Variants in SETMAR observed in about 807,000 individuals in gnomAD.
SETMAR encodes histone-lysine N-methyltransferase SETMAR.
Under a neutral mutation model 58.4 loss-of-function variants are expected in SETMAR, and 44 were observed. That is an observed-to-expected ratio of 0.75 (90% CI 0.59 to 0.97). SETMAR has a LOEUF of 0.97. Ranked by LOEUF, SETMAR falls within the 50% of genes least tolerant of loss-of-function variation. The pLI is 0.00. For missense variants in SETMAR, 903 were observed against 840.2 expected (o/e 1.07, Z -0.92); for synonymous variants, 332 against 307.4 (o/e 1.08, Z -0.84).
intron 1 of SETMAR, among the ~76,000 whole-genome samples, chr3:4,304,438 G>C (rs1049078696): frequency 6.6e-6 from 1 of 152,218 alleles, no homozygotes; most frequent in African/African-American, 2.4e-5. Context: ...CACGCTCCCA[G>C]CCTCTACTGA....
chr3:4,303,887 C>A (rs1312220266), intron 1 of SETMAR: 2 of 1,261,426 alleles, frequency 1.6e-6, no homozygotes, highest in Admixed American at 5.7e-5. Context: ...AGCCGTGGGG[C>A]CTATTAATGG....
Position 4,313,262 on chromosome 3 carries a change from G to A in SETMAR, c.521G>A (p.Gly174Glu), listed in dbSNP as rs1445039809. 6 of 1,613,878 alleles carry A rather than the reference G, an allele frequency of 3.7e-6. No homozygotes were observed. Among genetic ancestry groups the A allele is most frequent in the Non-Finnish European group, 5.1e-6 (6 of 1,179,914 alleles). Residue 174 changes from glycine to glutamate, a missense_variant, in exon 2 of 3, where the codon GGA (glycine) becomes GAA (glutamate). Coordinates refer to ENST00000358065, the MANE Select transcript of SETMAR (RefSeq NM_006515.4). ...FVCEYAGEVLGFSEVQRRIHL... is the reference protein window; with the variant it reads ...FVCEYAGEVLEFSEVQRRIHL... ...TGTGAATATGCTGGTGAGGTTTTAGGATTCTCTGAAGTTCAGAGAAGAATT... is the reference window on the plus strand; with the variant it reads ...TGTGAATATGCTGGTGAGGTTTTAGAATTCTCTGAAGTTCAGAGAAGAATT...
chr3:4,304,397 C>G (rs2125071196), intron 1 of SETMAR, among the ~76,000 whole-genome samples: 1 of 152,364 alleles, frequency 6.6e-6, no homozygotes, highest in South Asian at 2.1e-4. Context: ...CCGCCTCGGC[C>G]TCCCAAAATG....
chr3:4,303,465 G>A lies in SETMAR; in HGVS notation c.95G>A (p.Cys32Tyr), dbSNP rs375220596. The A allele has an allele frequency of 1.0e-4, 153 of 1,531,964 alleles. No homozygotes were observed. Among genetic ancestry groups the A allele is most frequent in the Non-Finnish European group, 1.3e-4 (146 of 1,145,240 alleles). 94.9% of individuals were successfully genotyped at this position (1,531,964 alleles called of 1,614,324 possible). A position where few individuals can be genotyped will look rare whatever the true frequency, so the allele number is the denominator to read the frequency against. The change falls in exon 1 of 3, where the codon TGC becomes TAC. Residue 32 changes from cysteine (C) to tyrosine (Y), a missense_variant. Physicochemically the swap from Cys to Tyr is radical, Grantham distance 194 (BLOSUM62 -2). Transcript: ENST00000358065. Reference sequence around the variant, plus strand: ...CCGACTGAGCAGCTGGATGTCGCGTGCGGCCAGGAAAACTTGCCGGTGGGC... The same window carrying A: ...CCGACTGAGCAGCTGGATGTCGCGTACGGCCAGGAAAACTTGCCGGTGGGC... ...EAPTEQLDVA[C>Y]GQENLPVGAW... is the part of the protein sequence containing the mutation.
In SETMAR at chr3:4,313,099, G is replaced by C; in HGVS notation, c.358G>C (p.Val120Leu). Residue 120 changes from valine (V) to leucine (L), a missense_variant, in exon 2 of 3, where the codon GTC (valine) becomes CTC (leucine). Physicochemically the swap from Val to Leu is conservative, Grantham distance 32. Coordinates refer to ENST00000358065, the MANE Select transcript of SETMAR (RefSeq NM_006515.4). The part of the protein sequence containing the change: ...KYAEPVFECN[V>L]LCRCSDHCRN... ...TGCAGAGCCTGTTTTTGAATGCAAT[G>C]TCCTGTGCCGATGCAGTGACCACTG... 1.2e-6 allele frequency: 2 copies of C among 1,614,046 alleles called. No individual in the cohort carries two copies. The highest frequency in any genetic ancestry group is 1.7e-6 in the Non-Finnish European group (2 of 1,179,984).
chr3:4,305,224 T>C (rs1698143178), intron 1 of SETMAR, among the ~76,000 whole-genome samples: 1 of 152,130 alleles, frequency 6.6e-6, no homozygotes, highest in Admixed American at 6.5e-5. Flanking sequence ...TAGCTGGAAT[T>C]ACAGGCGCCT....
rs1162752077 is a variant in SETMAR, at chr3:4,316,669, T to C, written c.1478T>C (p.Val493Ala). The change falls in exon 3 of 3, where the codon GTG becomes GCG. Residue 493 changes from valine to alanine, a missense_variant. Transcript: ENST00000358065. ...NHNEPFLDRI[V>A]TCDEKWILYD... Reference sequence around the variant, plus strand: ...AACGAACCATTTCTCGATCGGATTGTGACGTGTGATGAAAAGTGGATTTTA... The same window carrying C: ...AACGAACCATTTCTCGATCGGATTGCGACGTGTGATGAAAAGTGGATTTTA... 1.9e-6 allele frequency: 3 copies of C among 1,551,100 alleles called. No individual in the cohort carries two copies. Among genetic ancestry groups the C allele is most frequent in the Admixed American group, 2.0e-5 (1 of 50,962 alleles).
chr3:4,312,271 G>C (rs61187430), intron 1 of SETMAR, among the ~76,000 whole-genome samples: 3 of 152,086 alleles, frequency 2.0e-5, no homozygotes, highest in Admixed American at 2.0e-4. Context: ...AAAGGTAAAA[G>C]AGATCAAAAG....
chr3:4,313,746 G>A lies in SETMAR; in HGVS notation c.1005G>A (p.Lys335=), dbSNP rs1241698463. 1 of 1,614,006 alleles carries A rather than the reference G, an allele frequency of 6.2e-7. No homozygotes were observed. The highest frequency in any genetic ancestry group is 8.5e-7 in the Non-Finnish European group (1 of 1,179,944). Residue 335 remains lysine, a synonymous_variant, in exon 2 of 3, where the codon AAG becomes AAA. Transcript: ENST00000358065. ...GSAPSVFPSC[K]RLTLETMKMM... ...CCCCTTCTGTGTTCCCCTCCTGCAA[G>A]CGATTGACCCTTGAGGTGAGTCTGT... is the stretch of plus-strand genomic sequence containing the variant.
chr3:4,309,097 A>G (rs952514386), intron 1 of SETMAR, among the ~76,000 whole-genome samples: 1 of 152,184 alleles, frequency 6.6e-6, no homozygotes, highest in South Asian at 2.1e-4. Flanking sequence ...AGGAATTGTT[A>G]TTGTCTAAAA....
rs201713979 is a variant in SETMAR, at chr3:4,313,459, A to T, written c.718A>T (p.Met240Leu). The change falls in exon 2 of 3, where the codon ATG (methionine) becomes TTG (leucine). Residue 240 changes from methionine to leucine, a missense_variant. Physicochemically the swap from Met to Leu is conservative, Grantham distance 15. Coordinates refer to ENST00000358065, the MANE Select transcript of SETMAR (RefSeq NM_006515.4). ...GATGATTCCTGTCCGAATTGACTCA[A>T]TGGTACCTAAGTTGGCACTTTTTGC... ...LLMIPVRIDS[M>L]VPKLALFAAK... 6.2e-7 allele frequency: 1 copy of T among 1,614,034 alleles called. No homozygotes were observed. The highest frequency in any genetic ancestry group is 1.1e-5 in the South Asian group (1 of 91,078).
At chr3:4,316,052 A>AGG (rs1215484139) in intron 2 of SETMAR, among the ~76,000 whole-genome samples, 160 bp from the exon 3 acceptor site, 152 of 151,600 alleles carry the variant, frequency 1.0e-3, no homozygotes, top group South Asian at 1.9e-3. Flanking sequence ...GTCTCAAAAA[A>AGG]AAAAAAAAAA....
intron 1 of SETMAR, among the ~76,000 whole-genome samples, chr3:4,304,511 T>C (rs940999569): frequency 3.3e-5 from 5 of 152,176 alleles, no homozygotes; most frequent in Non-Finnish European, 7.3e-5. Flanking sequence ...ACCAAAGATT[T>C]TGAAGTGGAA....
At chr3:4,308,255 G>C (rs1698268778) in intron 1 of SETMAR, among the ~76,000 whole-genome samples, 1 of 152,182 alleles carries the variant, frequency 6.6e-6, no homozygotes, top group Non-Finnish European at 1.5e-5. Context: ...AACCTGGAAA[G>C]TTTAACTCCA....
chr3:4,305,159 C>T (rs1310214693), intron 1 of SETMAR, among the ~76,000 whole-genome samples: 1 of 152,128 alleles, frequency 6.6e-6, no homozygotes, highest in Non-Finnish European at 1.5e-5. Flanking sequence ...GCGATCAGCT[C>T]ACTGCAACCT....
At position 4,313,108 on chromosome 3, in the gene SETMAR, C is replaced by A; in HGVS notation, c.367C>A (p.Arg123=). ...TGTTTTTGAATGCAATGTCCTGTGC[C>A]GATGCAGTGACCACTGCAGAAACAG... The part of the protein sequence containing the change: ...EPVFECNVLC[R]CSDHCRNRVV... The change falls in exon 2 of 3, where the codon CGA becomes AGA. Residue 123 remains arginine, a synonymous_variant. Transcript: ENST00000358065. The A allele has an allele frequency of 6.2e-7, 1 of 1,613,886 alleles. No homozygotes were observed. The highest frequency in any genetic ancestry group is 8.5e-7 in the Non-Finnish European group (1 of 1,179,932).
At chr3:4,311,426 T>A (rs1290554356) in intron 1 of SETMAR, among the ~76,000 whole-genome samples, 1 of 152,226 alleles carries the variant, frequency 6.6e-6, no homozygotes, top group African/African-American at 2.4e-5. Context: ...AGAACTGCTC[T>A]TACCCGACTG....
intron 2 of SETMAR, among the ~76,000 whole-genome samples, chr3:4,314,641 A>C (rs1480684437): frequency 1.3e-5 from 2 of 152,292 alleles, no homozygotes; most frequent in East Asian, 3.9e-4. Context: ...AAACAGCCTC[A>C]CTTCATGTAT....
chr3:4,307,818 C>A (rs1698250591), intron 1 of SETMAR, among the ~76,000 whole-genome samples: 1 of 152,180 alleles, frequency 6.6e-6, no homozygotes, highest in East Asian at 1.9e-4. Flanking sequence ...GGGAGAATCA[C>A]TTGAAGTCAG....
Sources: allele counts gnomAD v4.1 joint callset (sites outside exome capture counted in the v4.1 genomes callset), GRCh38; gene constraint gnomAD v4.1.1; transcripts MANE v1.5; gene names NCBI Gene and HGNC (gene_info 2026-07-23, HGNC 2026-07-21).